PLXNA2: variants seen among roughly 807,000 people sequenced by gnomAD.
PLXNA2 encodes the protein plexin-A2.
PLXNA2 carries 91 observed loss-of-function variants against 193.5 expected under a neutral mutation model. That is an observed-to-expected ratio of 0.47 (90% CI 0.40 to 0.56). The LOEUF (loss-of-function observed/expected upper bound fraction) is 0.56. Among genes scored for constraint, PLXNA2 ranks in the 20% least tolerant of loss-of-function variants. The pLI is 0.00. For synonymous variants in PLXNA2, 997 were observed against 1,027.3 expected (o/e 0.97, Z 0.56); for missense variants, 1,995 against 2,503.2 (o/e 0.80, Z 4.33).
At chr1:208,216,641 G>C in intron 2 of PLXNA2, 94 bp downstream of exon 2, 1 of 1,413,138 alleles carries the variant, frequency 7.1e-7, no homozygotes. Flanking sequence ...TCAGGTCCAT[G>C]GTGGTGTGGG....
rs562557784 is a variant in PLXNA2, at chr1:208,226,014, A to G, written c.-80-8012T>C. Among the ~76,000 whole-genome samples, 10 of 152,288 alleles carry G rather than the reference A, an allele frequency of 6.6e-5. No homozygotes were observed. The East Asian group carries it at 1.7e-3, about 26-fold the overall frequency. On this transcript the variant is annotated intron_variant, in intron 1 of 31. Transcript: ENST00000367033. ...TCATGGTTCAGGAATTGTTCTTTTA[A>G]AGGAGAGGGGTCTGGGTGTGCAGGC... is the stretch of plus-strand genomic sequence containing the variant.
At chr1:208,221,239 C>T (rs1572048862) in intron 1 of PLXNA2, among the ~76,000 whole-genome samples, 1 of 152,114 alleles carries the variant, frequency 6.6e-6, no homozygotes, top group East Asian at 1.9e-4. Flanking sequence ...ATTAGTCAAC[C>T]TATAAGATTT....
chr1:208,151,258 A>C (rs1450732575), intron 3 of PLXNA2, among the ~76,000 whole-genome samples: 1 of 152,182 alleles, frequency 6.6e-6, no homozygotes, highest in African/African-American at 2.4e-5. Flanking sequence ...GCCAAATCTG[A>C]ACCTTTGTTT....
Position 208,039,711 on chromosome 1 carries a change from C to G in PLXNA2, c.4410G>C (p.Glu1470Asp). ...CCGTGATGGCATCAATGGGGCCCTT[C>G]TCCATCTGCTGCTTGATGGCACAGT... ...MLYCAIKQQMEKGPIDAITGE... is the reference protein window; with the variant it reads ...MLYCAIKQQMDKGPIDAITGE... Residue 1470 changes from glutamate to aspartate, a missense_variant, in exon 24 of 32, where the codon GAG becomes GAC. Coordinates refer to ENST00000367033, the MANE Select transcript of PLXNA2 (RefSeq NM_025179.4). 1 of 1,614,228 alleles carries G rather than the reference C, an allele frequency of 6.2e-7. No individual in the cohort carries two copies. Among genetic ancestry groups the G allele is most frequent in the Non-Finnish European group, 8.5e-7 (1 of 1,180,042 alleles).
intron 1 of PLXNA2, among the ~76,000 whole-genome samples, chr1:208,235,709 C>A (rs1251347905): frequency 6.6e-6 from 1 of 152,180 alleles, no homozygotes; most frequent in Non-Finnish European, 1.5e-5. Context: ...CCAGGCTCTT[C>A]CTGACCATCT....
chr1:208,179,656 C>T (rs1669774692), intron 3 of PLXNA2, among the ~76,000 whole-genome samples: 1 of 152,176 alleles, frequency 6.6e-6, no homozygotes, highest in Non-Finnish European at 1.5e-5. Context: ...CTATTAGCCT[C>T]TCTCAGATAA....
chr1:208,059,021 CA>C (rs1052261240), intron 13 of PLXNA2, among the ~76,000 whole-genome samples: 2 of 152,194 alleles, frequency 1.3e-5, no homozygotes, highest in Non-Finnish European at 2.9e-5. Context: ...ACCCTCACCC[CA>C]TACCCTAGCC....
intron 1 of PLXNA2, among the ~76,000 whole-genome samples, chr1:208,224,886 T>G (rs1373765046): frequency 1.3e-5 from 2 of 152,166 alleles, no homozygotes; most frequent in Admixed American, 6.5e-5. Context: ...CCTGCTTATC[T>G]TCATATATGC....
At chr1:208,186,924 T>C (rs1231905281) in intron 3 of PLXNA2, among the ~76,000 whole-genome samples, 1 of 151,092 alleles carries the variant, frequency 6.6e-6, no homozygotes, top group Non-Finnish European at 1.5e-5. Context: ...GGTTTCACCT[T>C]GTTAGCCAGG....
intron 5 of PLXNA2, among the ~76,000 whole-genome samples, chr1:208,099,900 C>T (rs1003686099): frequency 6.6e-6 from 1 of 151,912 alleles, no homozygotes; most frequent in Non-Finnish European, 1.5e-5. Context: ...CTGTGGGATG[C>T]TGAGACCACA....
chr1:208,136,939 C>A (rs961665680), intron 4 of PLXNA2, among the ~76,000 whole-genome samples: 1 of 152,222 alleles, frequency 6.6e-6, no homozygotes, highest in African/African-American at 2.4e-5. Flanking sequence ...TATATGCATT[C>A]TCTCAATCCT....
intron 12 of PLXNA2, among the ~76,000 whole-genome samples, chr1:208,077,401 C>T (rs546634580): frequency 8.2e-4 from 125 of 152,316 alleles, no homozygotes; most frequent in African/African-American, 2.9e-3. Flanking sequence ...CGAGCAGGGG[C>T]GGCTGAGGCA....
At chr1:208,084,058 C>T (rs1666431353) in intron 10 of PLXNA2, among the ~76,000 whole-genome samples, 2 of 152,096 alleles carry the variant, frequency 1.3e-5, no homozygotes, top group African/African-American at 4.8e-5. Context: ...TCTCATGTAG[C>T]CCATAAATAC....
chr1:208,038,383 C>T lies in PLXNA2; in HGVS notation c.4752G>A (p.Leu1584=), dbSNP rs1664743383. 6.2e-7 allele frequency: 1 copy of T among 1,610,142 alleles called. No individual in the cohort carries two copies. The highest frequency in any genetic ancestry group is 8.5e-7 in the Non-Finnish European group (1 of 1,176,352). Residue 1584 remains leucine, a synonymous_variant, in exon 26 of 32, where the codon CTG becomes CTA. Transcript: ENST00000367033. This position sits in a 1 kb window ranked among gnomAD's most constrained non-coding sequence, Gnocchi z 4.1. ...CACCCCCTCTCACCTGATAATGCAT[C>T]AGTGTGTTGAGCCGCTTCCAGTCAC... ...IEGDWKRLNT[L]MHYQVSDRSV... is the part of the protein sequence containing the mutation.
chr1:208,187,204 T>C (rs1670036447), intron 3 of PLXNA2, among the ~76,000 whole-genome samples: 1 of 152,178 alleles, frequency 6.6e-6, no homozygotes, highest in African/African-American at 2.4e-5. Flanking sequence ...TGTTAGTGAC[T>C]GTCATGAGGA....
chr1:208,101,107 C>G (rs149952902), intron 5 of PLXNA2, among the ~76,000 whole-genome samples: 137 of 152,312 alleles, frequency 9.0e-4, no homozygotes, highest in Non-Finnish European at 1.4e-3. Context: ...TTGACTGGAG[C>G]CTTTATCTCA....
Position 208,217,832 on chromosome 1 carries a change from G to T in PLXNA2, c.91C>A (p.Pro31Thr), listed in dbSNP as rs149664316. 2 of 1,614,040 alleles carry T rather than the reference G, an allele frequency of 1.2e-6. No individual in the cohort carries two copies. Among genetic ancestry groups the T allele is most frequent in the South Asian group, 1.1e-5 (1 of 91,070 alleles). ...CTGAACTGAGGCATGCCGGCTGCTG[G>T]GGGGGCCAGCAGCACCCAGACCACT... Reference protein sequence around the residue: ...LSVVWVLLAPPAAGMPQFSTF... With the variant: ...LSVVWVLLAPTAAGMPQFSTF... The change falls in exon 2 of 32, where the codon CCA becomes ACA. Residue 31 changes from proline to threonine, a missense_variant. By Grantham distance (38) the Pro-to-Thr change is conservative. Around this residue, in one of 3 missense-constraint regions of PLXNA2, gnomAD observed 702 missense variants for 812.9 expected, o/e 0.86. Transcript: ENST00000367033. This position sits in a 1 kb window ranked among gnomAD's most constrained non-coding sequence, Gnocchi z 4.7.
In PLXNA2 at chr1:208,039,700, A is replaced by G. The variant is rs368547025; in HGVS notation, c.4421T>C (p.Ile1474Thr). The stretch of plus-strand genomic sequence containing the variant: ...GCGGGCCTCGCCCGTGATGGCATCA[A>G]TGGGGCCCTTCTCCATCTGCTGCTT... ...AIKQQMEKGPIDAITGEARYS... is the reference protein window; with the variant it reads ...AIKQQMEKGPTDAITGEARYS... The change falls in exon 24 of 32, where the codon ATT becomes ACT. Residue 1474 changes from isoleucine to threonine, a missense_variant. Ile to Thr is a moderately conservative substitution (Grantham distance 89, BLOSUM62 -1). Transcript: ENST00000367033. 4.6e-5 allele frequency: 75 copies of G among 1,614,054 alleles called. No homozygotes were observed. Among genetic ancestry groups the G allele is most frequent in the Admixed American group, 6.7e-5 (4 of 60,008 alleles).
At chr1:208,048,189 G>A (rs918901246) in intron 17 of PLXNA2, among the ~76,000 whole-genome samples, 3 of 152,176 alleles carry the variant, frequency 2.0e-5, no homozygotes, top group Admixed American at 6.5e-5. Context: ...CCCGTGCTGC[G>A]TCGGCACTTT....
Sources: gnomAD v4.1 joint callset for allele counts (sites outside exome capture counted in the v4.1 genomes callset) on GRCh38, gnomAD v4.1.1 for gene constraint, gnomAD v4.1.1 regional missense constraint, Gnocchi (gnomAD v3.1) non-coding constraint, MANE v1.5 for transcripts, NCBI Gene and HGNC (gene_info 2026-07-23, HGNC 2026-07-21) for gene names.